The following ADAM12 variants were observed in gnomAD, a reference collection of about 807,000 sequenced individuals.
ADAM12 encodes ADAM metallopeptidase domain 12.
Under a neutral mutation model 106.4 loss-of-function variants are expected in ADAM12, and 70 were observed. The observed-to-expected ratio is 0.66, with a 90% confidence interval of 0.54 to 0.80. ADAM12 has a LOEUF of 0.80. ADAM12 is among the 30% of genes least tolerant of loss of function. ADAM12 has a pLI of 0.00. For missense variants in ADAM12, 1,010 were observed against 1,171.9 expected, an observed-to-expected ratio of 0.86 and a Z score of 2.02; for synonymous variants, 420 against 433.5, an observed-to-expected ratio of 0.97 and a Z score of 0.39.
At chr10:126,362,052 T>C (rs1855761747) in intron 1 of ADAM12, among the ~76,000 whole-genome samples, 1 of 152,012 alleles carries the variant, frequency 6.6e-6, no homozygotes, top group African/African-American at 2.4e-5. Flanking sequence ...GGAGTTAATA[T>C]CCAAAATATA....
At chr10:126,224,239 C>G (rs1007031134) in intron 3 of ADAM12, among the ~76,000 whole-genome samples, 1 of 152,182 alleles carries the variant, frequency 6.6e-6, no homozygotes, top group Admixed American at 6.5e-5. Context: ...TAGAGCCACC[C>G]TCATGTTCAG....
At chr10:126,360,384 C>T (rs1855701599) in intron 1 of ADAM12, among the ~76,000 whole-genome samples, 1 of 152,176 alleles carries the variant, frequency 6.6e-6, no homozygotes, top group African/African-American at 2.4e-5. Flanking sequence ...TGCTCTACTT[C>T]CCTTTTAAAA....
chr10:126,311,658 T>C (rs1961104289), intron 2 of ADAM12, among the ~76,000 whole-genome samples: 1 of 151,956 alleles, frequency 6.6e-6, no homozygotes, highest in Admixed American at 6.6e-5. Context: ...AATGCCAAAG[T>C]GATGAAGCCT....
In ADAM12 at chr10:126,269,302, C is replaced by G. The variant is rs534928370; in HGVS notation, c.260+9613G>C. Among the ~76,000 whole-genome samples, 9 of 152,258 alleles carry G rather than the reference C, an allele frequency of 5.9e-5. No homozygotes were observed. The South Asian group carries it at 1.9e-3, about 32-fold the overall frequency. On this transcript the variant is annotated intron_variant, in intron 3 of 22. Coordinates refer to ENST00000448723, the MANE Select transcript of ADAM12 (RefSeq NM_001288973.2). The stretch of plus-strand genomic sequence containing the variant: ...CCTTCTCATCCTGTGACTTAGAATG[C>G]CTTAACTGTCTAGGAAGGCAGCCCA...
At chr10:126,110,759 C>T (rs1955854566) in intron 6 of ADAM12, among the ~76,000 whole-genome samples, 1 of 152,154 alleles carries the variant, frequency 6.6e-6, no homozygotes, top group South Asian at 2.1e-4. Flanking sequence ...ATTCCAAATG[C>T]ATTTTTAAGA....
At chr10:126,122,178 T>C (rs1421123632) in intron 5 of ADAM12, among the ~76,000 whole-genome samples, 4 of 152,162 alleles carry the variant, frequency 2.6e-5, no homozygotes, top group African/African-American at 9.7e-5. Flanking sequence ...TCTGTAGAAA[T>C]TGTTACTTAG....
intron 3 of ADAM12, among the ~76,000 whole-genome samples, chr10:126,254,469 C>T (rs6597750): frequency 2.0e-5 from 3 of 152,008 alleles, no homozygotes; most frequent in Non-Finnish European, 4.4e-5. Flanking sequence ...CAACTGACAA[C>T]ACTTCCTTCT....
intron 12 of ADAM12, chr10:126,067,060 T>G: frequency 2.2e-6 from 1 of 456,344 alleles, no homozygotes; most frequent in Non-Finnish European, 4.1e-6. Context: ...AGTTGTAACA[T>G]AGGCTGGCCG....
chr10:126,139,743 C>G (rs983943727), intron 4 of ADAM12, among the ~76,000 whole-genome samples: 4 of 151,990 alleles, frequency 2.6e-5, no homozygotes, highest in Admixed American at 2.0e-4. Flanking sequence ...GTTCCTCCCC[C>G]AGAGAAGCTG....
Position 126,241,169 on chromosome 10 carries a change from C to T in ADAM12, c.260+37746G>A, listed in dbSNP as rs117156776. On this transcript the variant is annotated intron_variant, in intron 3 of 22. Transcript: ENST00000448723. The stretch of plus-strand genomic sequence containing the variant: ...ACGGACACCAGATGTCTAAAATAGG[C>T]CAATCCATAGAGACCTAAAGGTGAG... Among the ~76,000 whole-genome samples, 112 of 152,252 alleles carry T rather than the reference C, an allele frequency of 7.4e-4. 3 individuals carry two copies. In the East Asian group the frequency reaches 0.014, roughly 19 times the overall value.
chr10:126,338,744 G>A (rs1488987951), intron 1 of ADAM12, among the ~76,000 whole-genome samples: 1 of 152,140 alleles, frequency 6.6e-6, no homozygotes, highest in Admixed American at 6.5e-5. Context: ...CTTTTGCAGA[G>A]GGTCAGAATT....
chr10:126,231,902 T>C (rs1565154783), intron 3 of ADAM12, among the ~76,000 whole-genome samples: 2 of 151,240 alleles, frequency 1.3e-5, no homozygotes, highest in Non-Finnish European at 1.5e-5. Flanking sequence ...GTGTAGATTC[T>C]TTTGATCCCC....
chr10:126,103,293 C>T (rs1482248077), intron 8 of ADAM12, among the ~76,000 whole-genome samples: 4 of 152,160 alleles, frequency 2.6e-5, no homozygotes, highest in South Asian at 2.1e-4. Context: ...ATGCTAAACT[C>T]ACATCAAGTC....
chr10:126,099,896 A>G (rs1955627999), intron 9 of ADAM12, among the ~76,000 whole-genome samples: 1 of 152,260 alleles, frequency 6.6e-6, no homozygotes, highest in African/African-American at 2.4e-5. Context: ...CAACAAAAGA[A>G]TAATAGCACA....
At chr10:126,107,765 C>T (rs141544054) in intron 8 of ADAM12, among the ~76,000 whole-genome samples, 4 of 152,148 alleles carry the variant, frequency 2.6e-5, no homozygotes, top group Non-Finnish European at 5.9e-5. Flanking sequence ...CTAACCTCCC[C>T]CCCGCCCTGC....
rs368736490 is a variant in ADAM12, at chr10:126,048,665, G to GA, written c.1917+587dup. On this transcript the variant is annotated intron_variant, in intron 16 of 22. Transcript: ENST00000448723. The stretch of plus-strand genomic sequence containing the variant: ...ATTTAGTCTGATGAGAAAGTTTGGT[G>GA]AAAAAAAAAAAATCAGTATGGCAGA... Among the ~76,000 whole-genome samples the GA allele has an allele frequency of 5.5e-3, 700 of 126,444 alleles. 3 individuals carry two copies. Among genetic ancestry groups the GA allele is most frequent in the African/African-American group, 0.015 (501 of 34,426 alleles). 83.0% of individuals were successfully genotyped at this position (126,444 alleles called of 152,430 possible). A position where few individuals can be genotyped will look rare whatever the true frequency, so the allele number is the denominator to read the frequency against.
At position 126,184,221 on chromosome 10, in the gene ADAM12, C is replaced by A. The variant is rs190456021; in HGVS notation, c.261-28916G>T. Among the ~76,000 whole-genome samples, 32 of 152,286 alleles carry A rather than the reference C, an allele frequency of 2.1e-4. 1 individual carries two copies. The East Asian group carries it at 6.0e-3, about 29-fold the overall frequency. Reference sequence around the variant, plus strand: ...TCCAGAGCATATCAGAATTGAAATACCAGATAAAAGTGAAATGCAAAGTGA... The same window carrying A: ...TCCAGAGCATATCAGAATTGAAATAACAGATAAAAGTGAAATGCAAAGTGA... On this transcript the variant is annotated intron_variant, in intron 3 of 22. Coordinates refer to ENST00000448723, the MANE Select transcript of ADAM12 (RefSeq NM_001288973.2).
chr10:126,261,498 T>C (rs1247205945), intron 3 of ADAM12, among the ~76,000 whole-genome samples: 1 of 152,170 alleles, frequency 6.6e-6, no homozygotes, highest in Middle Eastern at 3.2e-3. Context: ...TGATACCCTA[T>C]AGTGAGTATT....
At chr10:126,375,199 A>G (rs540804561) in intron 1 of ADAM12, among the ~76,000 whole-genome samples, 4 of 152,140 alleles carry the variant, frequency 2.6e-5, no homozygotes, top group Admixed American at 6.5e-5. Flanking sequence ...AGACTACTTC[A>G]ATAAGAAGCG....
Sources: allele counts gnomAD v4.1 joint callset (sites outside exome capture counted in the v4.1 genomes callset), GRCh38; gene constraint gnomAD v4.1.1; transcripts MANE v1.5; gene names NCBI Gene and HGNC (gene_info 2026-07-23, HGNC 2026-07-21).